Variants in ZNF544 observed in about 807,000 individuals in gnomAD.
The protein encoded by ZNF544 is zinc finger protein AF020591.
ZNF544 carries 10 observed loss-of-function variants against 13.5 expected under a neutral mutation model. That is an observed-to-expected ratio of 0.74 (90% CI 0.46 to 1.25). ZNF544 has a LOEUF of 1.25. Among genes scored for constraint, ZNF544 ranks in the 50% most tolerant of loss-of-function variants. The probability of loss-of-function intolerance (pLI) is 0.00; values close to 1 mark genes in which losing one functional copy is unlikely to be tolerated. For missense variants in ZNF544, 896 were observed against 845.6 expected (o/e 1.06, Z -0.74); for synonymous variants, 323 against 300.5 (o/e 1.07, Z -0.77).
At chr19:58,229,268 G>T (rs1376769174) in intron 1 of ZNF544, 200 bp from the exon 2 acceptor site, 1 of 106,084 alleles carries the variant, frequency 9.4e-6, no homozygotes, top group Admixed American at 9.6e-5. Flanking sequence ...TACGGGCAGG[G>T]GTGGAACTGG....
intron 3 of ZNF544, among the ~76,000 whole-genome samples, chr19:58,236,735 T>C (rs2042473024): frequency 6.7e-6 from 1 of 148,364 alleles, no homozygotes; most frequent in Admixed American, 6.9e-5. Flanking sequence ...TATGTATCAT[T>C]CTGTGAAACT....
Position 58,229,556 on chromosome 19 carries a change from C to A in ZNF544, c.-143C>A, listed in dbSNP as rs1198754836. On this transcript the variant is annotated 5_prime_UTR_variant, in exon 2 of 7. Transcript: ENST00000687789. ...GTCATCCCAGCTCCAGACGTGGACA[C>A]ATTTTCTTCCAATGGTACGTGAAGC... 1.3e-5 allele frequency: 2 copies of A among 152,308 alleles called. No individual in the cohort carries two copies. Among genetic ancestry groups the A allele is most frequent in the Non-Finnish European group, 2.9e-5 (2 of 68,112 alleles). The allele number at this position is 152,308 out of a possible 1,614,324, so 9.4% of individuals were successfully genotyped here.
At chr19:58,244,645 G>C (rs1462930940) in intron 4 of ZNF544, among the ~76,000 whole-genome samples, 1 of 144,008 alleles carries the variant, frequency 6.9e-6, no homozygotes, top group Non-Finnish European at 1.5e-5. Flanking sequence ...GCATGATCTT[G>C]GCTCACAGCA....
chr19:58,238,022 T>C (rs2042798587), intron 3 of ZNF544, among the ~76,000 whole-genome samples: 1 of 152,220 alleles, frequency 6.6e-6, no homozygotes, highest in Non-Finnish European at 1.5e-5. Flanking sequence ...AACCTCTGCC[T>C]CCTGGGTTCA....
intron 3 of ZNF544, among the ~76,000 whole-genome samples, chr19:58,232,808 G>A (rs1274552360): frequency 1.3e-5 from 2 of 150,704 alleles, no homozygotes; most frequent in Admixed American, 6.6e-5. Context: ...TTAGCTGGGC[G>A]TGATGGCGGG....
rs767372715 is a variant in ZNF544, at chr19:58,261,464, T to A, written c.858T>A (p.Asn286Lys). 1 of 1,614,166 alleles carries A rather than the reference T, an allele frequency of 6.2e-7. No homozygotes were observed. The highest frequency in any genetic ancestry group is 8.5e-7 in the Non-Finnish European group (1 of 1,180,036). ...TCTTCAGTCACAGTGTGTCTCTGAA[T>A]GAACAGAAGCCAGTGCATTTTGGGA... ...GNLFSHSVSL[N>K]EQKPVHFGKS... is the part of the protein sequence containing the mutation. The change falls in exon 7 of 7, where the codon AAT becomes AAA. Residue 286 changes from asparagine to lysine, a missense_variant. By Grantham distance (94) the Asn-to-Lys change is moderately conservative. Transcript: ENST00000687789.
chr19:58,268,484 C>G (rs184351587), downstream of ZNF544, among the ~76,000 whole-genome samples: 344 of 152,270 alleles, frequency 2.3e-3, 3 homozygotes, highest in Admixed American at 3.5e-3. Flanking sequence ...AAATTTAATT[C>G]TCTCAGCAAG....
chr19:58,240,304 C>T (rs923481241), intron 3 of ZNF544, among the ~76,000 whole-genome samples: 2 of 151,502 alleles, frequency 1.3e-5, no homozygotes, highest in Non-Finnish European at 2.9e-5. Context: ...GTCGCCCAGG[C>T]TGGAGTGCAG....
intron 6 of ZNF544, among the ~76,000 whole-genome samples, chr19:58,254,775 A>T (rs2147359129): frequency 6.6e-6 from 1 of 152,132 alleles, no homozygotes; most frequent in African/African-American, 2.4e-5. Flanking sequence ...AACATTGCAG[A>T]GTTAATAGTA....
chr19:58,248,273 CTT>C (rs34774786), intron 6 of ZNF544, among the ~76,000 whole-genome samples: 63 of 108,540 alleles, frequency 5.8e-4, no homozygotes, highest in Non-Finnish European at 7.0e-4. Context: ...TTTTTTTTTT[CTT>C]TTTTTTTTTT....
At chr19:58,258,891 T>C (rs1473398681) in intron 6 of ZNF544, 1 of 152,130 alleles carries the variant, frequency 6.6e-6, no homozygotes, top group Non-Finnish European at 1.5e-5. Flanking sequence ...CTTTAGGACC[T>C]GGACAAGGAT....
intron 3 of ZNF544, among the ~76,000 whole-genome samples, chr19:58,233,334 A>T (rs1474530536): frequency 6.6e-6 from 1 of 152,178 alleles, no homozygotes; most frequent in Non-Finnish European, 1.5e-5. Flanking sequence ...GCATGATTAC[A>T]GGATTAAGGC....
At chr19:58,232,310 T>C (rs573220934) in intron 3 of ZNF544, among the ~76,000 whole-genome samples, 16 of 151,254 alleles carry the variant, frequency 1.1e-4, no homozygotes, top group African/African-American at 3.9e-4. Context: ...TCAGATAAAG[T>C]AGACCTTTAG....
intron 2 of ZNF544, chr19:58,229,786 T>A (rs2146331580): frequency 6.6e-6 from 1 of 152,202 alleles, no homozygotes; most frequent in East Asian, 1.9e-4. Flanking sequence ...TTGTGTTGGG[T>A]GATATTTGAT....
chr19:58,263,040 T>G lies in ZNF544; in HGVS notation c.*286T>G, dbSNP rs896032575. The G allele has an allele frequency of 8.6e-6, 10 of 1,167,710 alleles. No homozygotes were observed. Among genetic ancestry groups the G allele is most frequent in the Non-Finnish European group, 1.1e-5 (10 of 942,420 alleles). 72.3% of individuals were successfully genotyped at this position (1,167,710 alleles called of 1,614,324 possible). A position where few individuals can be genotyped will look rare whatever the true frequency, so the allele number is the denominator to read the frequency against. Reference sequence around the variant, plus strand: ...AAAGCCTTTAGCCAACGGTGTCAACTTACTAGGCAGCAGAGAATTCATACT... The same window carrying G: ...AAAGCCTTTAGCCAACGGTGTCAACGTACTAGGCAGCAGAGAATTCATACT... On this transcript the variant is annotated 3_prime_UTR_variant, in exon 7 of 7. Transcript: ENST00000687789.
intron 5 of ZNF544, among the ~76,000 whole-genome samples, chr19:58,269,235 G>C (rs1375934438): frequency 1.3e-5 from 2 of 152,038 alleles, no homozygotes; most frequent in Non-Finnish European, 2.9e-5. Flanking sequence ...AAGAGTTTGA[G>C]ACCAGCCTGG....
intron 4 of ZNF544, among the ~76,000 whole-genome samples, chr19:58,245,027 C>A (rs1046088713): frequency 2.0e-5 from 3 of 152,052 alleles, no homozygotes; most frequent in African/African-American, 7.2e-5. Flanking sequence ...CAGCTCACTG[C>A]AACTCCGCCT....
chr19:58,261,732 G>A lies in ZNF544; in HGVS notation c.1126G>A (p.Gly376Arg). The part of the protein sequence containing the change: ...CKLIHQRTHT[G>R]EKPFECTQCG... ...GCTCATACACCAGAGAACACACACT[G>A]GAGAAAAGCCCTTCGAATGTACTCA... The change falls in exon 7 of 7, where the codon GGA (glycine) becomes AGA (arginine). Residue 376 changes from glycine to arginine, a missense_variant. Coordinates refer to ENST00000687789, the MANE Select transcript of ZNF544 (RefSeq NM_014480.4). 6.2e-7 allele frequency: 1 copy of A among 1,614,202 alleles called. No individual in the cohort carries two copies. The highest frequency in any genetic ancestry group is 2.2e-5 in the East Asian group (1 of 44,896).
At chr19:58,264,773 C>T (rs367731909), downstream of ZNF544, among the ~76,000 whole-genome samples, 11 of 152,186 alleles carry the variant, frequency 7.2e-5, no homozygotes, top group Non-Finnish European at 1.3e-4. Context: ...GGAGACCGAG[C>T]GGCCAGGCAG....
Sources: gnomAD v4.1 joint callset for allele counts (sites outside exome capture counted in the v4.1 genomes callset) on GRCh38, gnomAD v4.1.1 for gene constraint, MANE v1.5 for transcripts, NCBI Gene and HGNC (gene_info 2026-07-23, HGNC 2026-07-21) for gene names.